The following SEC24B variants were observed in gnomAD, a reference collection of about 807,000 sequenced individuals.
The protein encoded by SEC24B is protein transport protein Sec24B.
In SEC24B, 45 loss-of-function variants were observed where a neutral mutation model predicts 142.8. The ratio of observed to expected loss-of-function variants is 0.32; its 90% CI spans 0.25 to 0.40. The LOEUF is 0.40. Ranked by LOEUF, SEC24B falls within the 10% of genes least tolerant of loss-of-function variation. The pLI, the probability that SEC24B is intolerant of heterozygous loss-of-function variation, is 1.00. For synonymous variants in SEC24B, 574 were observed against 568.2 expected, an observed-to-expected ratio of 1.01 and a Z score of -0.15; for missense variants, 1,409 against 1,526.8, an observed-to-expected ratio of 0.92 and a Z score of 1.29.
intron 6 of SEC24B, among the ~76,000 whole-genome samples, chr4:109,497,113 C>T (rs1735616731): frequency 6.6e-6 from 1 of 152,222 alleles, no homozygotes; most frequent in African/African-American, 2.4e-5. Context: ...GCCCATTCTT[C>T]TATGTTATTG....
At chr4:109,491,249 C>A in intron 4 of SEC24B, 78 bp from the exon 5 acceptor site, 2 of 1,144,346 alleles carry the variant, frequency 1.7e-6, no homozygotes, top group Non-Finnish European at 2.6e-6. Context: ...GCAAAAACAT[C>A]TTTTTCAAAA....
chr4:109,482,979 T>TATATATATACACACAC (rs781527364), intron 4 of SEC24B, among the ~76,000 whole-genome samples: 13 of 26,410 alleles, frequency 4.9e-4, no homozygotes, highest in African/African-American at 5.9e-4. Flanking sequence ...TATATATATA[T>TATATATATACACACAC]ACACACACAC....
At chr4:109,455,585 T>C (rs768824852) in intron 1 of SEC24B, among the ~76,000 whole-genome samples, 2 of 152,228 alleles carry the variant, frequency 1.3e-5, no homozygotes, top group Non-Finnish European at 2.9e-5. Context: ...CAGAGGTATA[T>C]GTTGAGGTTC....
chr4:109,472,989 G>GT lies in SEC24B; in HGVS notation c.878-12dup, dbSNP rs752681376. 4.1e-6 allele frequency: 6 copies of GT among 1,471,920 alleles called. No individual in the cohort carries two copies. In the South Asian group the frequency reaches 9.3e-5, roughly 23 times the overall value. 91.2% of individuals were successfully genotyped at this position (1,471,920 alleles called of 1,614,324 possible). A position where few individuals can be genotyped will look rare whatever the true frequency, so the allele number is the denominator to read the frequency against. ...ATTTCAAGTTTCTGTGGATGAAATA[G>GT]TTTCTTCTCTTCAGTTGCAGATTCT... On this transcript the variant is annotated splice_polypyrimidine_tract_variant and intron_variant, in intron 2 of 23. Coordinates refer to ENST00000265175, the MANE Select transcript of SEC24B (RefSeq NM_006323.5).
rs920115997 is a variant in SEC24B at position 109,534,280 on chromosome 4, T to G, written c.3588+595T>G. The stretch of plus-strand genomic sequence containing the variant: ...AGATCACTAGAAGAAATATTTGTGG[T>G]TTTTTTTTTTATACTATTAAAATGG... On this transcript the variant is annotated intron_variant, in intron 22 of 23. Coordinates refer to ENST00000265175, the MANE Select transcript of SEC24B (RefSeq NM_006323.5). Among the ~76,000 whole-genome samples, 9 of 79,250 alleles carry G rather than the reference T, an allele frequency of 1.1e-4. No homozygotes were observed. The African/African-American group carries it at 1.8e-3, about 16-fold the overall frequency. 52.0% of individuals were successfully genotyped at this position (79,250 alleles called of 152,430 possible). A position where few individuals can be genotyped will look rare whatever the true frequency, so the allele number is the denominator to read the frequency against.
At chr4:109,492,530 A>G (rs1389117101) in intron 5 of SEC24B, among the ~76,000 whole-genome samples, 1 of 152,214 alleles carries the variant, frequency 6.6e-6, no homozygotes, top group African/African-American at 2.4e-5. Context: ...CATTCAGTCA[A>G]CGAATTCTAA....
intron 4 of SEC24B, among the ~76,000 whole-genome samples, chr4:109,490,722 C>CT (rs1249261074): frequency 6.6e-6 from 1 of 151,924 alleles, no homozygotes; most frequent in Non-Finnish European, 1.5e-5. Flanking sequence ...TTCTTATAGT[C>CT]TAACATTTAT....
At chr4:109,523,804 TTTTG>T (rs1723924273) in intron 14 of SEC24B, among the ~76,000 whole-genome samples, 2 of 152,142 alleles carry the variant, frequency 1.3e-5, no homozygotes, top group South Asian at 2.1e-4. Flanking sequence ...ATAAAGAATG[TTTTG>T]TTTATTTGGG....
intron 8 of SEC24B, among the ~76,000 whole-genome samples, chr4:109,511,276 A>G (rs1737296451): frequency 6.6e-6 from 1 of 151,930 alleles, no homozygotes; most frequent in Non-Finnish European, 1.5e-5. Context: ...AGTTAACTAT[A>G]TTTCCTGATT....
chr4:109,458,120 GAT>G (rs1051431177), intron 1 of SEC24B, among the ~76,000 whole-genome samples: 2 of 151,292 alleles, frequency 1.3e-5, no homozygotes, highest in African/African-American at 4.9e-5. Context: ...ATGTTTCTTA[GAT>G]CATTTTCTTA....
In SEC24B at chr4:109,463,051, A is replaced by G; in HGVS notation, c.284A>G (p.Tyr95Cys). 1.2e-6 allele frequency: 2 copies of G among 1,614,102 alleles called. No homozygotes were observed. The highest frequency in any genetic ancestry group is 1.1e-5 in the South Asian group (1 of 91,078). Residue 95 changes from tyrosine to cysteine, a missense_variant, in exon 2 of 24, where the codon TAT becomes TGT. Physicochemically the swap from Tyr to Cys is radical, Grantham distance 194. Around this residue, in one of 2 missense-constraint regions of SEC24B, gnomAD observed 709 missense variants for 673.5 expected, o/e 1.05. Transcript: ENST00000265175. Reference protein sequence around the residue: ...TQCGDYYSALYTVPTQNVTPN... With the variant: ...TQCGDYYSALCTVPTQNVTPN... ...TGTGGTGATTACTACTCTGCTCTCT[A>G]TACAGTACCAACACAAAATGTGACT... is the stretch of plus-strand genomic sequence containing the variant.
chr4:109,482,979 T>TATATATATATATATATATACACAC (rs781527364), intron 4 of SEC24B, among the ~76,000 whole-genome samples: 3 of 26,414 alleles, frequency 1.1e-4, no homozygotes, highest in Admixed American at 7.4e-4. Context: ...TATATATATA[T>TATATATATATATATATATACACAC]ACACACACAC....
At chr4:109,503,886 A>G (rs1210005857) in intron 6 of SEC24B, among the ~76,000 whole-genome samples, 1 of 151,990 alleles carries the variant, frequency 6.6e-6, no homozygotes, top group African/African-American at 2.4e-5. Context: ...ACTATCATTT[A>G]TTAGATAATG....
Position 109,433,912 on chromosome 4 carries a change from C to G in SEC24B, c.43C>G (p.Arg15Gly), listed in dbSNP as rs1214126701. ...GTCCTCTCACCCGGCCGCCAGCGCC[C>G]GGATCCCGCCCAAGTTCGGCGGAGC... ...AGSSHPAASARIPPKFGGAAV... is the reference protein window; with the variant it reads ...AGSSHPAASAGIPPKFGGAAV... The change falls in exon 1 of 24, where the codon CGG becomes GGG. Residue 15 changes from arginine (R) to glycine (G), a missense_variant. Physicochemically the swap from Arg to Gly is moderately radical, Grantham distance 125 (BLOSUM62 -2). Around this residue, in one of 2 missense-constraint regions of SEC24B, gnomAD observed 709 missense variants for 673.5 expected, o/e 1.05. Transcript: ENST00000265175. 5 of 1,331,984 alleles carry G rather than the reference C, an allele frequency of 3.8e-6. No homozygotes were observed. Among genetic ancestry groups the G allele is most frequent in the Non-Finnish European group, 4.8e-6 (5 of 1,038,886 alleles). The allele number at this position is 1,331,984 out of a possible 1,614,324, so 82.5% of individuals were successfully genotyped here. A position where few individuals can be genotyped will look rare whatever the true frequency, so the allele number is the denominator to read the frequency against.
chr4:109,467,054 C>T (rs1232921791), intron 2 of SEC24B, among the ~76,000 whole-genome samples: 1 of 151,826 alleles, frequency 6.6e-6, no homozygotes, highest in Non-Finnish European at 1.5e-5. Flanking sequence ...CAGCCGGGCG[C>T]GGTGGCTCAC....
chr4:109,459,146 A>T lies in SEC24B; in HGVS notation c.134-3755A>T, dbSNP rs370981236. Among the ~76,000 whole-genome samples the T allele has an allele frequency of 2.0e-4, 30 of 152,362 alleles. No individual in the cohort carries two copies. In the South Asian group the frequency reaches 6.0e-3, roughly 31 times the overall value. On this transcript the variant is annotated intron_variant, in intron 1 of 23. Transcript: ENST00000265175. ...AAAAAATAGTTCTTTCTTGGAATAC[A>T]ATATTTGGAGGCCATAGAGCTTAAA... is the stretch of plus-strand genomic sequence containing the variant.
chr4:109,452,988 A>G (rs1730265658), intron 1 of SEC24B, among the ~76,000 whole-genome samples: 1 of 152,242 alleles, frequency 6.6e-6, no homozygotes, highest in Non-Finnish European at 1.5e-5. Flanking sequence ...TCTGAGAAAT[A>G]AAGGGAAAGA....
At chr4:109,503,723 G>T (rs915255835) in intron 6 of SEC24B, among the ~76,000 whole-genome samples, 2 of 152,002 alleles carry the variant, frequency 1.3e-5, no homozygotes, top group Non-Finnish European at 1.5e-5. Flanking sequence ...TCTTTTCAGC[G>T]TTAAAATCAG....
intron 5 of SEC24B, among the ~76,000 whole-genome samples, chr4:109,492,956 A>T (rs1374282320): frequency 6.6e-6 from 1 of 151,894 alleles, no homozygotes; most frequent in African/African-American, 2.4e-5. Flanking sequence ...CTGGCTACAA[A>T]CAGTCCTTCC....
Sources: allele counts gnomAD v4.1 joint callset (sites outside exome capture counted in the v4.1 genomes callset), GRCh38; gene constraint gnomAD v4.1.1; regional missense constraint gnomAD v4.1.1; transcripts MANE v1.5; gene names NCBI Gene and HGNC (gene_info 2026-07-23, HGNC 2026-07-21).